LRRK1: variants seen among roughly 807,000 people sequenced by gnomAD.
The protein encoded by LRRK1 is leucine rich repeat kinase 1, also known as leucine-rich repeat serine/threonine-protein kinase 1.
In LRRK1, 113 loss-of-function variants were observed where a neutral mutation model predicts 209.1. The observed-to-expected ratio is 0.54, with a 90% CI of 0.46 to 0.63. The LOEUF (loss-of-function observed/expected upper bound fraction) is 0.63, where lower values mean the gene tolerates loss of function less well. Ranked by LOEUF, LRRK1 falls within the 30% of genes least tolerant of loss-of-function variation. The pLI, the probability that LRRK1 is intolerant of heterozygous loss-of-function variation, is 0.00. For synonymous variants in LRRK1, 1,144 were observed against 1,099.7 expected (o/e 1.04, Z -0.80); for missense variants, 2,284 against 2,632.2 (o/e 0.87, Z 2.89).
Position 100,925,320 on chromosome 15 carries a change from T to C in LRRK1, c.97+591T>C, listed in dbSNP as rs570663678. ...ACATCATTTCATTTATTTTATTTTATTTTTTTACGATTTAATAATTGGATC... is the reference window on the plus strand; with the variant it reads ...ACATCATTTCATTTATTTTATTTTACTTTTTTACGATTTAATAATTGGATC... On this transcript the variant is annotated intron_variant, in intron 2 of 33. Transcript: ENST00000388948. 3.9e-5 allele frequency among the ~76,000 whole-genome samples: 6 copies of C among 152,350 alleles called. No individual in the cohort carries two copies. In the East Asian group the frequency reaches 1.2e-3, roughly 29 times the overall value.
At chr15:100,946,394 C>T (rs149836557) in intron 2 of LRRK1, among the ~76,000 whole-genome samples, 2 of 151,978 alleles carry the variant, frequency 1.3e-5, no homozygotes, top group Non-Finnish European at 2.9e-5. Context: ...TGGAGACTAG[C>T]GAGACAATGC....
At chr15:101,051,094 C>G (rs2035406145) in intron 23 of LRRK1, among the ~76,000 whole-genome samples, 1 of 152,172 alleles carries the variant, frequency 6.6e-6, no homozygotes, top group Non-Finnish European at 1.5e-5. Flanking sequence ...CTGCAGATAT[C>G]AGATGTGCCT....
chr15:101,025,225 T>C (rs778968947), intron 16 of LRRK1, among the ~76,000 whole-genome samples: 1 of 152,180 alleles, frequency 6.6e-6, no homozygotes, highest in Non-Finnish European at 1.5e-5. Flanking sequence ...CAGGGTTCCC[T>C]TCCTGTTATA....
chr15:101,023,992 T>C (rs1467362657), intron 15 of LRRK1, among the ~76,000 whole-genome samples: 1 of 152,218 alleles, frequency 6.6e-6, no homozygotes, highest in Non-Finnish European at 1.5e-5. Context: ...TTCCTCTAGC[T>C]GAGGCCTGAG....
intron 4 of LRRK1, among the ~76,000 whole-genome samples, chr15:100,986,345 G>A (rs1367538533): frequency 1.3e-5 from 2 of 152,210 alleles, no homozygotes; most frequent in African/African-American, 4.8e-5. Flanking sequence ...GAGGAAGAGG[G>A]GCTCCTCTGA....
Position 101,066,201 on chromosome 15 carries a change from C to T in LRRK1, c.5764C>T (p.Pro1922Ser), listed in dbSNP as rs961288295. The T allele has an allele frequency of 2.5e-6, 4 of 1,603,964 alleles. No homozygotes were observed. The highest frequency in any genetic ancestry group is 3.4e-6 in the Non-Finnish European group (4 of 1,174,300). The change falls in exon 32 of 34, where the codon CCC (proline) becomes TCC (serine). Residue 1922 changes from proline (P) to serine (S), a missense_variant. Around this residue, in one of 6 missense-constraint regions of LRRK1, gnomAD observed 643 missense variants for 695.9 expected, o/e 0.92. Transcript: ENST00000388948. ...CGCCGTCAGAGACCTCATTTGGGTCCCCAGGTACGTTTCCCGAGGTGAGGG... is the reference window on the plus strand; with the variant it reads ...CGCCGTCAGAGACCTCATTTGGGTCTCCAGGTACGTTTCCCGAGGTGAGGG... ...ILAVRDLIWV[P>S]RRGGDVIVIG... is the part of the protein sequence containing the mutation.
intron 2 of LRRK1, among the ~76,000 whole-genome samples, chr15:100,962,806 T>TATATATATATATAC (rs2030103942): frequency 5.7e-5 from 1 of 17,528 alleles, no homozygotes; most frequent in Admixed American, 5.8e-4. Context: ...TATATATATA[T>TATATATATATATAC]ATATATATAT....
At chr15:100,952,589 G>A (rs76584969) in intron 2 of LRRK1, among the ~76,000 whole-genome samples, 10,477 of 152,166 alleles carry the variant, frequency 0.069, 631 homozygotes, top group African/African-American at 0.16. Flanking sequence ...CCATTGATTA[G>A]CCCACTCTTC....
chr15:100,949,922 G>A (rs2042612535), intron 2 of LRRK1, among the ~76,000 whole-genome samples: 1 of 151,196 alleles, frequency 6.6e-6, no homozygotes, highest in Admixed American at 6.6e-5. Context: ...ATACTTAATA[G>A]TGAAAGACTG....
chr15:100,934,362 T>G (rs901443651), intron 2 of LRRK1, among the ~76,000 whole-genome samples: 2 of 152,214 alleles, frequency 1.3e-5, no homozygotes, highest in Non-Finnish European at 2.9e-5. Flanking sequence ...TTTGTCTTTA[T>G]TAATTCAGCA....
intron 3 of LRRK1, among the ~76,000 whole-genome samples, chr15:100,981,234 C>T (rs988108906): frequency 4.6e-5 from 7 of 152,214 alleles, no homozygotes; most frequent in South Asian, 2.1e-4. Context: ...GCTCCTATGA[C>T]GTCACTTACC....
rs2141693505 is a variant in LRRK1 at position 101,010,501 on chromosome 15, A to T, written c.1041A>T (p.Gly347=). The change falls in exon 8 of 34, where the codon GGA becomes GGT. Residue 347 remains glycine, a synonymous_variant. Coordinates refer to ENST00000388948, the MANE Select transcript of LRRK1 (RefSeq NM_024652.6). Reference sequence around the variant, plus strand: ...ACAAGTTGTCCCACCTCCCTCCTGGATTCTTGCACCTCTCAAAACTTCAAA... The same window carrying T: ...ACAAGTTGTCCCACCTCCCTCCTGGTTTCTTGCACCTCTCAAAACTTCAAA... ...SSNKLSHLPP[G]FLHLSKLQKL... is the part of the protein sequence containing the mutation. 1 of 1,612,474 alleles carries T rather than the reference A, an allele frequency of 6.2e-7. No individual in the cohort carries two copies. The highest frequency in any genetic ancestry group is 2.2e-5 in the East Asian group (1 of 44,880).
chr15:101,070,931 C>T lies in LRRK1; in HGVS notation c.*2083C>T, dbSNP rs1001755747. 2.6e-5 allele frequency: 4 copies of T among 152,136 alleles called. No individual in the cohort carries two copies. Among genetic ancestry groups the T allele is most frequent in the African/African-American group, 9.7e-5 (4 of 41,428 alleles). The allele number at this position is 152,136 out of a possible 1,614,324, so 9.4% of individuals were successfully genotyped here. ...TGCAACACAAATGAGAGACAAAGAC[C>T]TCACTTATCTTCATTACAGAGAGTT... On this transcript the variant is annotated 3_prime_UTR_variant, in exon 34 of 34. Coordinates refer to ENST00000388948, the MANE Select transcript of LRRK1 (RefSeq NM_024652.6).
chr15:100,995,170 T>A (rs2032345676), intron 6 of LRRK1, among the ~76,000 whole-genome samples: 1 of 152,158 alleles, frequency 6.6e-6, no homozygotes, highest in Non-Finnish European at 1.5e-5. Flanking sequence ...AGATCATGCA[T>A]GTGCCATCGT....
chr15:101,028,700 A>G (rs1156784505), intron 19 of LRRK1, among the ~76,000 whole-genome samples: 1 of 152,156 alleles, frequency 6.6e-6, no homozygotes, highest in Non-Finnish European at 1.5e-5. Flanking sequence ...TTGCAAAGGC[A>G]AAATCCACAA....
chr15:100,958,865 G>A lies in LRRK1; in HGVS notation c.98-14939G>A, dbSNP rs1052757166. Among the ~76,000 whole-genome samples the A allele has an allele frequency of 2.0e-5, 3 of 152,222 alleles. No homozygotes were observed. In the East Asian group the frequency reaches 5.8e-4, roughly 29 times the overall value. On this transcript the variant is annotated intron_variant, in intron 2 of 33. Transcript: ENST00000388948. Reference sequence around the variant, plus strand: ...GGTCACACTTCTCCGTTTCTCTCCCGGGCTCTCTGTGCTCTGGGACTTCCT... The same window carrying A: ...GGTCACACTTCTCCGTTTCTCTCCCAGGCTCTCTGTGCTCTGGGACTTCCT...
intron 2 of LRRK1, among the ~76,000 whole-genome samples, chr15:100,940,563 G>A (rs1596171088): frequency 6.6e-5 from 10 of 152,296 alleles, no homozygotes; most frequent in Admixed American, 3.3e-4. Flanking sequence ...GTGCTTCACA[G>A]TGCAACTCTT....
chr15:100,934,802 C>CAAAAAAAAAAAAAAAAAA (rs56258040), intron 2 of LRRK1, among the ~76,000 whole-genome samples: 1 of 53,440 alleles, frequency 1.9e-5, no homozygotes, highest in Non-Finnish European at 4.0e-5. Flanking sequence ...GAAACTGTCT[C>CAAAAAAAAAAAAAAAAAA]AAAAAAAAAA....
In LRRK1 at chr15:101,022,069, A is replaced by G. The variant is rs577079828; in HGVS notation, c.1852+112A>G. 6.6e-5 allele frequency: 49 copies of G among 745,162 alleles called. No homozygotes were observed. Among genetic ancestry groups the G allele is most frequent in the Admixed American group, 3.6e-4 (13 of 35,882 alleles). The allele number at this position is 745,162 out of a possible 1,614,324, so 46.2% of individuals were successfully genotyped here. On this transcript the variant is annotated intron_variant, in intron 14 of 33. Transcript: ENST00000388948. The surrounding 1 kb of genome is among the most constrained non-coding windows in gnomAD (Gnocchi z 4.0). Reference sequence around the variant, plus strand: ...TTGGTGACCCATGGAGCCCAGCTCCAGGTTCCAGATTTGACAAGATGCTAT... The same window carrying G: ...TTGGTGACCCATGGAGCCCAGCTCCGGGTTCCAGATTTGACAAGATGCTAT...
Sources: allele counts gnomAD v4.1 joint callset (sites outside exome capture counted in the v4.1 genomes callset), GRCh38; gene constraint gnomAD v4.1.1; regional missense constraint gnomAD v4.1.1; non-coding constraint Gnocchi (gnomAD v3.1); transcripts MANE v1.5; gene names NCBI Gene and HGNC (gene_info 2026-07-23, HGNC 2026-07-21).